The following VCAN variants were observed in gnomAD, a reference collection of about 807,000 sequenced individuals.
VCAN encodes versican core protein.
VCAN carries 44 observed loss-of-function variants against 245.5 expected under a neutral mutation model. That is an observed-to-expected ratio of 0.18 (90% CI 0.14 to 0.23). VCAN has a LOEUF of 0.23. Ranked by LOEUF, VCAN falls within the 10% of genes least tolerant of loss-of-function variation. The pLI is 1.00. For synonymous variants in VCAN, 1,413 were observed against 1,437.0 expected (o/e 0.98, Z 0.38); for missense variants, 3,793 against 4,057.9 (o/e 0.93, Z 1.77).
chr5:83,483,583 A>G lies in VCAN; in HGVS notation c.65A>G (p.His22Arg). 1.2e-6 allele frequency: 2 copies of G among 1,613,286 alleles called. No homozygotes were observed. Among genetic ancestry groups the G allele is most frequent in the East Asian group, 2.2e-5 (1 of 44,764 alleles). Residue 22 changes from histidine to arginine, a missense_variant, in exon 2 of 15, where the codon CAT (histidine) becomes CGT (arginine). Around this residue, in one of 5 missense-constraint regions of VCAN, gnomAD observed 179 missense variants for 169.7 expected, o/e 1.05. Transcript: ENST00000265077. The stretch of plus-strand genomic sequence containing the variant: ...ACCTTAATAGTAACCCATGCGCTAC[A>G]TAAAGGTGAGTGTGCTAACAATTTC... ...CSTLIVTHAL[H>R]KVKVGKSPPV...
At chr5:83,483,129 CT>C (rs1744667753) in intron 1 of VCAN, among the ~76,000 whole-genome samples, 1 of 152,190 alleles carries the variant, frequency 6.6e-6, no homozygotes, top group Admixed American at 6.5e-5. Context: ...TCTAAATAGA[CT>C]TTGTGGTCAC....
intron 12 of VCAN, among the ~76,000 whole-genome samples, chr5:83,570,500 A>C (rs777704339): frequency 1.3e-5 from 2 of 152,178 alleles, no homozygotes; most frequent in Non-Finnish European, 2.9e-5. Context: ...ACCATATTTA[A>C]AAGTTTTGAA....
chr5:83,542,738 A>ATTTCAGAGTTTGTGCAG (rs1747052787), intron 8 of VCAN, among the ~76,000 whole-genome samples: 2 of 152,308 alleles, frequency 1.3e-5, no homozygotes, highest in Admixed American at 6.5e-5. Context: ...TCTAATAATT[A>ATTTCAGAGTTTGTGCAG]TTTCAGAGTT....
intron 12 of VCAN, chr5:83,561,991 A>T (rs927395593): frequency 1.1e-4 from 16 of 152,282 alleles, no homozygotes; most frequent in African/African-American, 3.8e-4. Context: ...AATGCAAAAC[A>T]CAATCCCCAC....
At chr5:83,530,273 C>A (rs550654684) in intron 7 of VCAN, among the ~76,000 whole-genome samples, 59 of 152,130 alleles carry the variant, frequency 3.9e-4, no homozygotes, top group African/African-American at 1.4e-3. Context: ...TACATTTCCC[C>A]AGGTATTGAG....
intron 2 of VCAN, among the ~76,000 whole-genome samples, chr5:83,486,836 G>A (rs1744807539): frequency 1.3e-5 from 2 of 152,114 alleles, no homozygotes; most frequent in Admixed American, 1.3e-4. Context: ...TATATCAGAG[G>A]TGAAAGTTAC....
At chr5:83,506,920 T>G (rs1186198183) in intron 5 of VCAN, among the ~76,000 whole-genome samples, 2 of 152,110 alleles carry the variant, frequency 1.3e-5, no homozygotes, top group African/African-American at 4.8e-5. Flanking sequence ...CTTTTGAGAC[T>G]TATTAACTAT....
chr5:83,520,639 A>T lies in VCAN; in HGVS notation c.2333A>T (p.Lys778Ile), dbSNP rs900843134. 6.2e-6 allele frequency: 10 copies of T among 1,613,910 alleles called. No homozygotes were observed. In the Admixed American group the frequency reaches 1.3e-4, roughly 22 times the overall value. ...TTTACAGCAACTCCAGGTACTACAA[A>T]ATATGATGAAAATATTACAACAGTG... ...EDFTATPGTT[K>I]YDENITTVLL... Residue 778 changes from lysine to isoleucine, a missense_variant, in exon 7 of 15, where the codon AAA becomes ATA. By Grantham distance (102) the Lys-to-Ile change is moderately radical. This residue lies in a region of VCAN where 3,182 missense variants were observed against 3,250.3 expected (regional missense o/e 0.98). Transcript: ENST00000265077.
rs1747006420 is a variant in VCAN at position 83,541,809 on chromosome 5, A to T, written c.8806A>T (p.Thr2936Ser). ...TEILQDFQNK[T>S]DGQVSGEAIK... ...GATTCTCCAAGATTTCCAAAACAAA[A>T]CCGATGGTCAAGTTTCTGGAGAAGC... Residue 2936 changes from threonine (T) to serine (S), a missense_variant, in exon 8 of 15, where the codon ACC becomes TCC. Around this residue, in one of 5 missense-constraint regions of VCAN, gnomAD observed 3,182 missense variants for 3,250.3 expected, o/e 0.98. Transcript: ENST00000265077. 6.2e-7 allele frequency: 1 copy of T among 1,614,056 alleles called. No homozygotes were observed. The highest frequency in any genetic ancestry group is 8.5e-7 in the Non-Finnish European group (1 of 1,179,994).
chr5:83,496,651 C>T (rs572066971), intron 5 of VCAN, among the ~76,000 whole-genome samples: 1 of 152,258 alleles, frequency 6.6e-6, no homozygotes, highest in Non-Finnish European at 1.5e-5. Flanking sequence ...TGTTTATTGG[C>T]TCTTGGACTA....
rs775802401 is a variant in VCAN at position 83,522,089 on chromosome 5, T to C, written c.3783T>C (p.Thr1261=). 2.5e-6 allele frequency: 4 copies of C among 1,614,096 alleles called. No individual in the cohort carries two copies. Among genetic ancestry groups the C allele is most frequent in the African/African-American group, 2.7e-5 (2 of 74,938 alleles). ...AATCAACATCTCATGTTCCTCCCAC[T>C]ACCCTTGAAGATATTGTAGCCAAGG... ...IGESTSHVPP[T]TLEDIVAKET... Residue 1261 remains threonine (T), a synonymous_variant, in exon 7 of 15, where the codon ACT becomes ACC. Coordinates refer to ENST00000265077, the MANE Select transcript of VCAN (RefSeq NM_004385.5).
At position 83,472,031 on chromosome 5, in the gene VCAN, CG is replaced by C. The variant is rs1470969115; in HGVS notation, c.-7+9del. 5.6e-6 allele frequency: 2 copies of C among 355,292 alleles called. No homozygotes were observed. Among genetic ancestry groups the C allele is most frequent in the African/African-American group, 4.2e-5 (2 of 47,614 alleles). The allele number at this position is 355,292 out of a possible 1,614,324, so 22.0% of individuals were successfully genotyped here. ...AATAAGCCGCCTTCCAAGGTAATCA[CG>C]TTTCTTTTGTTCCCCCCTTAAAAAA... is the stretch of plus-strand genomic sequence containing the variant. On this transcript the variant is annotated intron_variant, in intron 1 of 14. Coordinates refer to ENST00000265077, the MANE Select transcript of VCAN (RefSeq NM_004385.5).
rs751087760 is a variant in VCAN, at chr5:83,555,036, C to A, written c.9733C>A (p.Leu3245Met). The A allele has an allele frequency of 1.5e-5, 25 of 1,613,418 alleles. No individual in the cohort carries two copies. Among genetic ancestry groups the A allele is most frequent in the Middle Eastern group, 1.6e-4 (1 of 6,078 alleles). The change falls in exon 12 of 15, where the codon CTG becomes ATG. Residue 3245 changes from leucine to methionine, a missense_variant and splice_region_variant. Physicochemically the swap from Leu to Met is conservative, Grantham distance 15 (BLOSUM62 2). Coordinates refer to ENST00000265077, the MANE Select transcript of VCAN (RefSeq NM_004385.5). Reference sequence around the variant, plus strand: ...CTTCCGTTGGACTGATGGCAGCACACTGGTAAGATGCCCTTGAAAATGATG... The same window carrying A: ...CTTCCGTTGGACTGATGGCAGCACAATGGTAAGATGCCCTTGAAAATGATG... ...HDFRWTDGST[L>M]QYENWRPNQP...
intron 1 of VCAN, among the ~76,000 whole-genome samples, chr5:83,476,566 A>G (rs929261139): frequency 2.0e-5 from 3 of 152,188 alleles, no homozygotes; most frequent in African/African-American, 7.2e-5. Context: ...GGAATCAGAA[A>G]AGGGGGATTA....
rs2112446180 is a variant in VCAN at position 83,539,997 on chromosome 5, T to G, written c.6994T>G (p.Leu2332Val). The part of the protein sequence containing the change: ...EGSGSVTSTT[L>V]IEILSDTGAE... ...TAGTGGGTCAGTAACCAGCACAACA[T>G]TAATAGAAATTTTAAGTGACACTGG... Residue 2332 changes from leucine to valine, a missense_variant, in exon 8 of 15, where the codon TTA (leucine) becomes GTA (valine). Around this residue, in one of 5 missense-constraint regions of VCAN, gnomAD observed 3,182 missense variants for 3,250.3 expected, o/e 0.98. Coordinates refer to ENST00000265077, the MANE Select transcript of VCAN (RefSeq NM_004385.5). 1 of 1,613,952 alleles carries G rather than the reference T, an allele frequency of 6.2e-7. No homozygotes were observed. The highest frequency in any genetic ancestry group is 2.2e-5 in the East Asian group (1 of 44,852).
intron 14 of VCAN, 72 bp from the exon 15 acceptor site, chr5:83,580,235 G>A (rs1748619620): frequency 4.3e-6 from 7 of 1,613,554 alleles, no homozygotes; most frequent in Non-Finnish European, 5.9e-6. Context: ...TACGGCTGTG[G>A]TATCGGCAGT....
chr5:83,563,868 G>C (rs2112486076), intron 12 of VCAN, among the ~76,000 whole-genome samples: 1 of 151,896 alleles, frequency 6.6e-6, no homozygotes, highest in East Asian at 1.9e-4. Flanking sequence ...TGTGTGCTTA[G>C]GTGTTTATCT....
At chr5:83,502,936 C>T (rs1745375619) in intron 5 of VCAN, among the ~76,000 whole-genome samples, 1 of 152,200 alleles carries the variant, frequency 6.6e-6, no homozygotes, top group Non-Finnish European at 1.5e-5. Context: ...AACACTAACT[C>T]TGGGGTCTAA....
At position 83,540,656 on chromosome 5, in the gene VCAN, C is replaced by T. The variant is rs778420853; in HGVS notation, c.7653C>T (p.Asp2551=). 6.2e-7 allele frequency: 1 copy of T among 1,613,820 alleles called. No homozygotes were observed. Among genetic ancestry groups the T allele is most frequent in the Non-Finnish European group, 8.5e-7 (1 of 1,179,960 alleles). The change falls in exon 8 of 15, where the codon GAC becomes GAT. Residue 2551 remains aspartate (D), a synonymous_variant. Transcript: ENST00000265077. ...TTATCATAGACCTGGACAAAGAGGA[C>T]AAGGATTTAATATTGACAATTACAG... ...ENIIIDLDKE[D]KDLILTITES...
Sources: gnomAD v4.1 joint callset for allele counts (sites outside exome capture counted in the v4.1 genomes callset) on GRCh38, gnomAD v4.1.1 for gene constraint, gnomAD v4.1.1 regional missense constraint, MANE v1.5 for transcripts, NCBI Gene and HGNC (gene_info 2026-07-23, HGNC 2026-07-21) for gene names.